Variants in ZAP70 observed in about 807,000 individuals in gnomAD.
ZAP70 encodes tyrosine-protein kinase ZAP-70.
Under a neutral mutation model 65.8 loss-of-function variants are expected in ZAP70, and 27 were observed. That is an observed-to-expected ratio of 0.41 (90% confidence interval 0.30 to 0.57). The LOEUF (loss-of-function observed/expected upper bound fraction) is 0.57, where lower values mean the gene tolerates loss of function less well. ZAP70 is among the 20% of genes least tolerant of loss of function. ZAP70 has a pLI of 0.28. For missense variants in ZAP70, 696 were observed against 870.5 expected (o/e 0.80, Z 2.52); for synonymous variants, 363 against 360.8 (o/e 1.01, Z -0.07).
chr2:97,722,148 T>C (rs1677187813), intron 2 of ZAP70, among the ~76,000 whole-genome samples: 1 of 152,068 alleles, frequency 6.6e-6, no homozygotes, highest in African/African-American at 2.4e-5. Context: ...TGGCCTGATC[T>C]CGGCTCAATG....
Position 97,735,292 on chromosome 2 carries a change from G to T in ZAP70, c.1125G>T (p.Thr375=), listed in dbSNP as rs763397392. The T allele has an allele frequency of 4.3e-6, 7 of 1,613,994 alleles. No individual in the cohort carries two copies. The highest frequency in any genetic ancestry group is 5.9e-6 in the Non-Finnish European group (7 of 1,179,982). Residue 375 remains threonine, a synonymous_variant, in exon 10 of 14, where the codon ACG becomes ACT. Transcript: ENST00000264972. ...CCATCAAGGTGCTGAAGCAGGGCAC[G>T]GAGAAGGCAGACACGGAAGAGATGA... ...DVAIKVLKQG[T]EKADTEEMMR...
chr2:97,742,673 A>C (rs1403929228), downstream of ZAP70, among the ~76,000 whole-genome samples: 2 of 152,240 alleles, frequency 1.3e-5, no homozygotes, highest in South Asian at 2.1e-4. Context: ...GAGGGCTGTG[A>C]AGCCCCAGGA....
At chr2:97,746,776 A>G in the ZAP70 span, among the ~76,000 whole-genome samples, 1 of 152,258 alleles carries the variant, frequency 6.6e-6, no homozygotes, top group Non-Finnish European at 1.5e-5. Context: ...GTGTATCAAG[A>G]AATTGAAAAG....
intron 2 of ZAP70, among the ~76,000 whole-genome samples, chr2:97,722,713 T>C (rs1373808927): frequency 6.6e-6 from 1 of 152,252 alleles, no homozygotes; most frequent in African/African-American, 2.4e-5. Flanking sequence ...TATTGCTAAT[T>C]CAGTGTTTTC....
chr2:97,724,660 G>A, intron 3 of ZAP70: 2 of 1,529,750 alleles, frequency 1.3e-6, no homozygotes, highest in Non-Finnish European at 1.7e-6. Flanking sequence ...CGATGCTATG[G>A]TGCTCTACTA....
chr2:97,728,909 C>T (rs1443824533), intron 4 of ZAP70, among the ~76,000 whole-genome samples: 6 of 152,216 alleles, frequency 3.9e-5, no homozygotes, highest in Non-Finnish European at 5.9e-5. Context: ...TGCACCACCA[C>T]GCTTGGCTAA....
At chr2:97,734,357 G>A (rs1677750716) in intron 8 of ZAP70, 163 bp from the exon 9 acceptor site, 1 of 1,435,884 alleles carries the variant, frequency 7.0e-7, no homozygotes, top group Non-Finnish European at 9.1e-7. Context: ...GTGTATGCCA[G>A]TGTGTGCGTG....
rs2276645 is a variant in ZAP70 at position 97,713,589 on chromosome 2, C to A, written c.-186C>A. On this transcript the variant is annotated 5_prime_UTR_variant, in exon 1 of 14. Transcript: ENST00000264972. ...AGGAAATAGGTTAGTTTCAGACAAG[C>A]CTGCTTGCCGGAGCTCAGCAGACAC... 47,087 of 152,222 alleles carry A rather than the reference C, an allele frequency of 0.31. 9,780 individuals are homozygous for A. The highest frequency in any genetic ancestry group is 0.44 in the Non-Finnish European group (29,689 of 67,968). The allele number at this position is 152,222 out of a possible 1,614,324, so 9.4% of individuals were successfully genotyped here.
At chr2:97,734,286 C>T in intron 8 of ZAP70, 2 of 1,238,848 alleles carry the variant, frequency 1.6e-6, no homozygotes, top group Non-Finnish European at 2.1e-6. Flanking sequence ...GATACCAATG[C>T]ACACGCCCCT....
At chr2:97,723,761 G>A (rs1677251915) in intron 2 of ZAP70, among the ~76,000 whole-genome samples, 1 of 152,210 alleles carries the variant, frequency 6.6e-6, no homozygotes, top group Admixed American at 6.5e-5. Context: ...GGTGCTTGGG[G>A]ACCAGTTGGC....
chr2:97,741,940 G>A (rs1454167612), downstream of ZAP70, among the ~76,000 whole-genome samples: 2 of 152,252 alleles, frequency 1.3e-5, no homozygotes, highest in Admixed American at 1.3e-4. Flanking sequence ...GCTGAGAGGG[G>A]CCAATCTGGT....
chr2:97,752,500 T>C, the ZAP70 span, among the ~76,000 whole-genome samples: 257 of 152,368 alleles, frequency 1.7e-3, no homozygotes, highest in Admixed American at 2.9e-3. Context: ...CTGACACTAA[T>C]AGCAGCCTCT....
the ZAP70 span, among the ~76,000 whole-genome samples, chr2:97,752,694 G>C: frequency 6.6e-6 from 1 of 152,162 alleles, no homozygotes; most frequent in Non-Finnish European, 1.5e-5. Flanking sequence ...ACTTCTACAG[G>C]CATTTGTCAG....
chr2:97,747,612 T>C, the ZAP70 span, among the ~76,000 whole-genome samples: 1 of 151,880 alleles, frequency 6.6e-6, no homozygotes, highest in Admixed American at 6.6e-5. Context: ...TTTTTGGAGG[T>C]GGGGGAGGTG....
At chr2:97,718,354 A>G (rs1295401074) in intron 2 of ZAP70, among the ~76,000 whole-genome samples, 2 of 151,892 alleles carry the variant, frequency 1.3e-5, no homozygotes, top group Non-Finnish European at 2.9e-5. Context: ...AAATGCTCCC[A>G]CCTCTTGCCC....
rs1676794764 is a variant in ZAP70 at position 97,713,672 on chromosome 2, C to G, written c.-103C>G. The G allele has an allele frequency of 6.6e-6, 1 of 152,512 alleles. No individual in the cohort carries two copies. Among genetic ancestry groups the G allele is most frequent in the Admixed American group, 6.5e-5 (1 of 15,306 alleles). The allele number at this position is 152,512 out of a possible 1,614,324, so 9.4% of individuals were successfully genotyped here. ...GCCTCAGAGCTGCTGCTGGGGCATTCAGGTAAGCGGCTGTCCTCGGGCCTT... is the reference window on the plus strand; with the variant it reads ...GCCTCAGAGCTGCTGCTGGGGCATTGAGGTAAGCGGCTGTCCTCGGGCCTT... On this transcript the variant is annotated splice_region_variant and 5_prime_UTR_variant, in exon 1 of 14. Transcript: ENST00000264972.
chr2:97,752,368 C>T, the ZAP70 span, among the ~76,000 whole-genome samples: 1 of 152,212 alleles, frequency 6.6e-6, no homozygotes, highest in Non-Finnish European at 1.5e-5. Context: ...TTATGGGTAA[C>T]ATCATGAAGA....
intron 2 of ZAP70, among the ~76,000 whole-genome samples, chr2:97,721,699 TG>T (rs1677165207): frequency 6.6e-6 from 1 of 150,840 alleles, no homozygotes; most frequent in Non-Finnish European, 1.5e-5. Flanking sequence ...CCCATAATGC[TG>T]GATTAGAGGC....
rs184655355 is a variant in ZAP70 at position 97,731,049 on chromosome 2, G to A, written c.564-1834G>A. 2.0e-4 allele frequency among the ~76,000 whole-genome samples: 29 copies of A among 144,598 alleles called. 2 individuals carry two copies. In the East Asian group the frequency reaches 4.4e-3, roughly 22 times the overall value. The allele number at this position is 144,598 out of a possible 152,430, so 94.9% of individuals were successfully genotyped here. A position where few individuals can be genotyped will look rare whatever the true frequency, so the allele number is the denominator to read the frequency against. ...CAGCCCGGGCTGTGGAGCGAGACTC[G>A]GTCTCAAAAAAAAAAAAAAAAAAAA... On this transcript the variant is annotated intron_variant, in intron 4 of 13. Transcript: ENST00000264972. This position sits in a 1 kb window ranked among gnomAD's most constrained non-coding sequence, Gnocchi z 4.0.
Sources: allele counts gnomAD v4.1 joint callset (sites outside exome capture counted in the v4.1 genomes callset), GRCh38; gene constraint gnomAD v4.1.1; non-coding constraint Gnocchi (gnomAD v3.1); transcripts MANE v1.5; gene names NCBI Gene and HGNC (gene_info 2026-07-23, HGNC 2026-07-21).